ADAMTSL1: variants seen among roughly 807,000 people sequenced by gnomAD.
ADAMTSL1 encodes ADAMTS like 1.
A neutral mutation model predicts 201.8 loss-of-function variants in ADAMTSL1; 126 were observed. That is an observed-to-expected ratio of 0.62 (90% confidence interval 0.54 to 0.72). ADAMTSL1 has a LOEUF of 0.72. Ranked by LOEUF, ADAMTSL1 falls within the 30% of genes least tolerant of loss-of-function variation. The pLI is 0.00. For synonymous variants in ADAMTSL1, 1,121 were observed against 903.4 expected, an observed-to-expected ratio of 1.24 and a Z score of -4.32; for missense variants, 2,679 against 2,277.8, an observed-to-expected ratio of 1.18 and a Z score of -3.59.
intron 1 of ADAMTSL1, among the ~76,000 whole-genome samples, chr9:18,135,802 A>G (rs1272041643): frequency 1.3e-5 from 2 of 152,110 alleles, no homozygotes; most frequent in Non-Finnish European, 2.9e-5. Flanking sequence ...TGTGGATATG[A>G]GGTGCTGTCT....
rs112448819 is a variant in ADAMTSL1 at position 18,909,262 on chromosome 9, G to A, written c.*714G>A. 0.032 allele frequency: 4,912 copies of A among 153,094 alleles called. 142 individuals carry two copies. Among genetic ancestry groups the A allele is most frequent in the South Asian group, 0.13 (642 of 4,826 alleles). 9.5% of individuals were successfully genotyped at this position (153,094 alleles called of 1,614,324 possible). A position where few individuals can be genotyped will look rare whatever the true frequency, so the allele number is the denominator to read the frequency against. On this transcript the variant is annotated 3_prime_UTR_variant, in exon 29 of 29. Transcript: ENST00000380548. ...CCTGTGGTGTTCCCCAGTGGGGCAG[G>A]GTGAGCAGGGGCTTCCAGGCTGCAT...
intron 5 of ADAMTSL1, among the ~76,000 whole-genome samples, chr9:18,635,418 A>C (rs117861952): frequency 0.044 from 6,677 of 152,190 alleles, 198 homozygotes; most frequent in South Asian, 0.095. Context: ...TGCTCACTAC[A>C]TATAGTATTA....
chr9:18,840,933 T>C (rs1256443431), intron 23 of ADAMTSL1, among the ~76,000 whole-genome samples: 1 of 148,172 alleles, frequency 6.7e-6, no homozygotes, highest in African/African-American at 2.5e-5. Flanking sequence ...AAGGAGATTT[T>C]GGGCTGAGAC....
intron 2 of ADAMTSL1, among the ~76,000 whole-genome samples, chr9:18,183,159 G>A (rs915300562): frequency 4.6e-5 from 7 of 152,118 alleles, no homozygotes; most frequent in African/African-American, 4.8e-5. Context: ...AGATGGTGCT[G>A]GAACAACTGG....
intron 2 of ADAMTSL1, chr9:18,361,976 T>C (rs1018739026): frequency 2.0e-5 from 3 of 152,158 alleles, no homozygotes; most frequent in African/African-American, 7.2e-5. Flanking sequence ...GAGGGAGCAG[T>C]TCTCTTAGGT....
chr9:18,053,720 A>G (rs1209019152), intron 1 of ADAMTSL1, among the ~76,000 whole-genome samples: 1 of 152,200 alleles, frequency 6.6e-6, no homozygotes, highest in South Asian at 2.1e-4. Flanking sequence ...ATAAATATTT[A>G]CTGACCACTC....
chr9:18,006,534 C>T (rs1819835342), intron 1 of ADAMTSL1, among the ~76,000 whole-genome samples: 1 of 151,724 alleles, frequency 6.6e-6, no homozygotes, highest in African/African-American at 2.4e-5. Flanking sequence ...TTGGGTAAAT[C>T]GATAAATTGA....
At chr9:18,505,964 G>T (rs149220949) in intron 2 of ADAMTSL1, among the ~76,000 whole-genome samples, 1 of 152,180 alleles carries the variant, frequency 6.6e-6, no homozygotes, top group Non-Finnish European at 1.5e-5. Flanking sequence ...TTAGAAGCCC[G>T]ATAGATGGTT....
chr9:18,122,437 G>C (rs116641468), intron 1 of ADAMTSL1, among the ~76,000 whole-genome samples: 2,175 of 152,196 alleles, frequency 0.014, 39 homozygotes, highest in African/African-American at 0.05. Flanking sequence ...CAGGGCCCAG[G>C]ACTTTTGCTG....
At chr9:18,072,528 C>T (rs993825801) in intron 1 of ADAMTSL1, among the ~76,000 whole-genome samples, 2 of 152,208 alleles carry the variant, frequency 1.3e-5, no homozygotes, top group Non-Finnish European at 2.9e-5. Context: ...TACACATACA[C>T]ACACTCATGT....
At chr9:18,230,777 C>CA (rs554975439) in intron 2 of ADAMTSL1, among the ~76,000 whole-genome samples, 167 of 152,112 alleles carry the variant, frequency 1.1e-3, no homozygotes, top group African/African-American at 3.8e-3. Context: ...AATAAATGAC[C>CA]AAACTCATGG....
At chr9:18,556,874 A>G (rs1452534960) in intron 3 of ADAMTSL1, among the ~76,000 whole-genome samples, 1 of 152,034 alleles carries the variant, frequency 6.6e-6, no homozygotes, top group Non-Finnish European at 1.5e-5. Flanking sequence ...ATGGCCTTTA[A>G]CCTTCAGTTT....
intron 23 of ADAMTSL1, among the ~76,000 whole-genome samples, chr9:18,838,360 TACACACAC>T (rs775337751): frequency 3.6e-4 from 31 of 86,760 alleles, no homozygotes; most frequent in East Asian, 1.2e-3. Context: ...CAAACCATAT[TACACACAC>T]ACACACACAC....
At chr9:17,948,794 G>T (rs1262801765) in intron 1 of ADAMTSL1, among the ~76,000 whole-genome samples, 1 of 152,176 alleles carries the variant, frequency 6.6e-6, no homozygotes, top group Non-Finnish European at 1.5e-5. Context: ...AATTAAAATG[G>T]CAACAATAGG....
At chr9:18,817,482 G>T (rs1370252984) in intron 21 of ADAMTSL1, among the ~76,000 whole-genome samples, 2 of 152,184 alleles carry the variant, frequency 1.3e-5, no homozygotes, top group Non-Finnish European at 2.9e-5. Flanking sequence ...TTTAATCTTA[G>T]CCTTCCATAC....
chr9:18,052,784 C>A (rs932184192), intron 1 of ADAMTSL1, among the ~76,000 whole-genome samples: 1 of 150,960 alleles, frequency 6.6e-6, no homozygotes, highest in African/African-American at 2.5e-5. Flanking sequence ...GTGTTTTGTA[C>A]TAGAGTGGGG....
chr9:18,647,395 G>T (rs1827890338), intron 7 of ADAMTSL1, among the ~76,000 whole-genome samples: 1 of 149,882 alleles, frequency 6.7e-6, no homozygotes, highest in Admixed American at 6.7e-5. Context: ...CTTCAGTTCT[G>T]CTCTGATTTT....
intron 4 of ADAMTSL1, among the ~76,000 whole-genome samples, chr9:18,614,854 T>G (rs1031080348): frequency 1.3e-5 from 2 of 152,196 alleles, no homozygotes; most frequent in Non-Finnish European, 2.9e-5. Flanking sequence ...ACTACACCAG[T>G]GGTTCCCAAC....
chr9:18,131,466 A>G (rs1587122801), intron 1 of ADAMTSL1, among the ~76,000 whole-genome samples: 3 of 152,262 alleles, frequency 2.0e-5, no homozygotes, highest in South Asian at 4.2e-4. Flanking sequence ...TTTCTTAGAG[A>G]TGATTAGTCT....
Sources: allele counts gnomAD v4.1 joint callset (sites outside exome capture counted in the v4.1 genomes callset), GRCh38; gene constraint gnomAD v4.1.1; transcripts MANE v1.5; gene names NCBI Gene and HGNC (gene_info 2026-07-23, HGNC 2026-07-21).